The following TANC1 variants were observed in gnomAD, a reference collection of about 807,000 sequenced individuals.
TANC1 encodes protein TANC1.
A neutral mutation model predicts 149.7 loss-of-function variants in TANC1; 77 were observed. The observed-to-expected ratio is 0.51, with a 90% CI of 0.43 to 0.62. The LOEUF is 0.62. Ranked by LOEUF, TANC1 falls within the 20% of genes least tolerant of loss-of-function variation. TANC1 has a pLI of 0.00. For missense variants in TANC1, 1,985 were observed against 2,321.8 expected (o/e 0.85, Z 2.98); for synonymous variants, 854 against 925.0 (o/e 0.92, Z 1.39).
intron 3 of TANC1, among the ~76,000 whole-genome samples, chr2:159,087,927 AC>A (rs2045113179): frequency 6.7e-6 from 1 of 149,728 alleles, no homozygotes. Flanking sequence ...TGATGTGATG[AC>A]GTAGGCAGAG....
At chr2:158,975,626 G>A (rs915194096) in intron 1 of TANC1, among the ~76,000 whole-genome samples, 20 of 151,072 alleles carry the variant, frequency 1.3e-4, no homozygotes, top group African/African-American at 4.4e-4. Flanking sequence ...GGTAGAGACA[G>A]GGTCTCACCA....
chr2:158,984,603 C>G (rs2149243822), intron 1 of TANC1, among the ~76,000 whole-genome samples: 1 of 152,226 alleles, frequency 6.6e-6, no homozygotes, highest in African/African-American at 2.4e-5. Flanking sequence ...AGGCCCAGTG[C>G]TGTGTCTCAA....
chr2:159,210,740 G>A (rs995565101), intron 19 of TANC1, among the ~76,000 whole-genome samples: 27 of 151,956 alleles, frequency 1.8e-4, no homozygotes, highest in Non-Finnish European at 2.4e-4. Flanking sequence ...GCTAATTTTT[G>A]TACTTTTAAT....
intron 3 of TANC1, among the ~76,000 whole-genome samples, chr2:159,086,435 C>T (rs574127142): frequency 6.6e-6 from 1 of 152,110 alleles, no homozygotes; most frequent in South Asian, 2.1e-4. Context: ...GGGATATGGT[C>T]AGTTGGAGCT....
At chr2:159,100,067 G>A (rs1370711864) in intron 4 of TANC1, among the ~76,000 whole-genome samples, 2 of 152,168 alleles carry the variant, frequency 1.3e-5, no homozygotes, top group Non-Finnish European at 2.9e-5. Context: ...AGATAATAGA[G>A]ATAATTCAGA....
At chr2:158,993,806 C>A (rs935044826) in intron 1 of TANC1, among the ~76,000 whole-genome samples, 1 of 152,120 alleles carries the variant, frequency 6.6e-6, no homozygotes, top group East Asian at 1.9e-4. Context: ...CTAAAGTCAT[C>A]TCCTGGTTTG....
intron 4 of TANC1, among the ~76,000 whole-genome samples, chr2:159,108,152 A>C (rs1375170745): frequency 1.3e-5 from 2 of 152,250 alleles, no homozygotes; most frequent in Non-Finnish European, 2.9e-5. Context: ...ACATTTAGAA[A>C]GCTGGGAATG....
At chr2:159,173,791 C>A (rs137981192) in intron 11 of TANC1, among the ~76,000 whole-genome samples, 1 of 152,156 alleles carries the variant, frequency 6.6e-6, no homozygotes, top group African/African-American at 2.4e-5. Flanking sequence ...AGCCAGCTTT[C>A]CTCTGTTGAT....
intron 3 of TANC1, among the ~76,000 whole-genome samples, chr2:159,079,726 C>T (rs2044067199): frequency 6.6e-6 from 1 of 152,136 alleles, no homozygotes. Context: ...TCAGACAGTG[C>T]CACTTAGGGT....
chr2:159,161,292 T>A (rs533463964), intron 7 of TANC1, among the ~76,000 whole-genome samples: 1 of 152,358 alleles, frequency 6.6e-6, no homozygotes, highest in South Asian at 2.1e-4. Context: ...TGCTTTCCAA[T>A]GTAACAGCCA....
intron 1 of TANC1, among the ~76,000 whole-genome samples, chr2:158,973,708 A>G (rs906949330): frequency 6.6e-6 from 1 of 152,208 alleles, no homozygotes; most frequent in Non-Finnish European, 1.5e-5. Context: ...TCAACAAAAG[A>G]GCTAGCCAGG....
chr2:159,093,048 T>G (rs1442743799), intron 3 of TANC1, among the ~76,000 whole-genome samples: 1 of 152,150 alleles, frequency 6.6e-6, no homozygotes, highest in African/African-American at 2.4e-5. Flanking sequence ...GAAAGCATTT[T>G]GGGGTAGGTG....
At chr2:159,017,293 T>G (rs935455155) in intron 2 of TANC1, among the ~76,000 whole-genome samples, 4 of 152,212 alleles carry the variant, frequency 2.6e-5, no homozygotes, top group Non-Finnish European at 5.9e-5. Context: ...GTACTCAGAA[T>G]GTAATATTTA....
intron 24 of TANC1, chr2:159,226,372 A>G (rs536602387): frequency 7.1e-5 from 11 of 155,804 alleles, no homozygotes; most frequent in Admixed American, 5.8e-4. Flanking sequence ...CTCTAGGTCA[A>G]CTGAACATCA....
intron 16 of TANC1, among the ~76,000 whole-genome samples, chr2:159,191,061 A>G (rs530121241): frequency 9.6e-4 from 146 of 152,282 alleles, no homozygotes; most frequent in African/African-American, 3.4e-3. Flanking sequence ...CTCCACAAGT[A>G]CAAGTTGACA....
intron 20 of TANC1, among the ~76,000 whole-genome samples, chr2:159,218,434 T>C (rs915017814): frequency 6.6e-6 from 1 of 152,204 alleles, no homozygotes; most frequent in Non-Finnish European, 1.5e-5. Context: ...TGGCTAATCC[T>C]TTCCTGGCCC....
chr2:159,064,785 G>A (rs574541745), intron 2 of TANC1, among the ~76,000 whole-genome samples: 8 of 152,306 alleles, frequency 5.3e-5, no homozygotes, highest in African/African-American at 1.9e-4. Flanking sequence ...TACTCTGGGG[G>A]CTGAGAGGTG....
At chr2:159,053,158 G>A (rs1419570908) in intron 2 of TANC1, among the ~76,000 whole-genome samples, 1 of 150,970 alleles carries the variant, frequency 6.6e-6, no homozygotes, top group Non-Finnish European at 1.5e-5. Context: ...AACATATTTG[G>A]CCTTTGTTTT....
rs2048417532 is a variant in TANC1 at position 159,117,701 on chromosome 2, C to CCT, written c.260-18493_260-18492insCT. ...GTGAGCCACCGTGCCCGGCCTATTC[C>CCT]TTTTTTTTTTTTTTTTTTTTTTTTT... On this transcript the variant is annotated intron_variant, in intron 4 of 26. Transcript: ENST00000263635. Among the ~76,000 whole-genome samples the CCT allele has an allele frequency of 4.4e-5, 5 of 113,282 alleles. No homozygotes were observed. The East Asian group carries it at 1.1e-3, about 24-fold the overall frequency. The allele number at this position is 113,282 out of a possible 152,430, so 74.3% of individuals were successfully genotyped here.
Sources: gnomAD v4.1 joint callset for allele counts (sites outside exome capture counted in the v4.1 genomes callset) on GRCh38, gnomAD v4.1.1 for gene constraint, MANE v1.5 for transcripts, NCBI Gene and HGNC (gene_info 2026-07-23, HGNC 2026-07-21) for gene names.